The following SPOCK1 variants were observed in gnomAD, a reference collection of about 807,000 sequenced individuals.
SPOCK1 encodes the protein SPARC (osteonectin), cwcv and kazal like domains proteoglycan 1.
A neutral mutation model predicts 55.3 loss-of-function variants in SPOCK1; 23 were observed. That is an observed-to-expected ratio of 0.42 (90% CI 0.30 to 0.59). The LOEUF (loss-of-function observed/expected upper bound fraction) is 0.59. Ranked by LOEUF, SPOCK1 falls within the 20% of genes least tolerant of loss-of-function variation. The probability of loss-of-function intolerance (pLI) is 0.22; values close to 1 mark genes in which losing one functional copy is unlikely to be tolerated. For synonymous variants in SPOCK1, 226 were observed against 221.0 expected, an observed-to-expected ratio of 1.02 and a Z score of -0.20; for missense variants, 499 against 552.5, an observed-to-expected ratio of 0.90 and a Z score of 0.97.
chr5:137,231,547 G>A (rs995446504), intron 3 of SPOCK1, among the ~76,000 whole-genome samples: 1 of 152,184 alleles, frequency 6.6e-6, no homozygotes, highest in Non-Finnish European at 1.5e-5. Context: ...ATTCACCCAG[G>A]ATGTTGCATG....
intron 3 of SPOCK1, among the ~76,000 whole-genome samples, chr5:137,147,545 G>A (rs949851065): frequency 4.6e-5 from 7 of 152,164 alleles, no homozygotes; most frequent in African/African-American, 9.7e-5. Flanking sequence ...TTTTTGCTAC[G>A]TCCTTACATG....
At chr5:137,203,888 C>T (rs1427976840) in intron 3 of SPOCK1, among the ~76,000 whole-genome samples, 2 of 152,108 alleles carry the variant, frequency 1.3e-5, no homozygotes, top group Non-Finnish European at 1.5e-5. Flanking sequence ...ATGGAAAATC[C>T]CTCTTAAGTA....
At chr5:137,066,230 C>T (rs1752502716) in intron 6 of SPOCK1, among the ~76,000 whole-genome samples, 1 of 152,176 alleles carries the variant, frequency 6.6e-6, no homozygotes, top group African/African-American at 2.4e-5. Flanking sequence ...CCTCCACCTC[C>T]CGAGTTCAAG....
chr5:137,293,089 A>ATTTTTTTTTTTTTTTTTT (rs531537488), intron 2 of SPOCK1, among the ~76,000 whole-genome samples: 3 of 100,828 alleles, frequency 3.0e-5, no homozygotes, highest in African/African-American at 1.2e-4. Flanking sequence ...GGTTTGTTGA[A>ATTTTTTTTTTTTTTTTTT]TTTTTTTTTT....
At chr5:137,135,670 G>A (rs1753971039) in intron 4 of SPOCK1, among the ~76,000 whole-genome samples, 1 of 152,142 alleles carries the variant, frequency 6.6e-6, no homozygotes, top group Non-Finnish European at 1.5e-5. Flanking sequence ...CAAATAACCT[G>A]CTTTCTGTCA....
chr5:137,161,960 T>G (rs1354038165), intron 3 of SPOCK1, among the ~76,000 whole-genome samples: 1 of 152,160 alleles, frequency 6.6e-6, no homozygotes, highest in Non-Finnish European at 1.5e-5. Context: ...GTGCATAGAA[T>G]TATCTCAGTG....
intron 6 of SPOCK1, among the ~76,000 whole-genome samples, chr5:137,015,951 G>A (rs898937506): frequency 3.3e-5 from 5 of 152,198 alleles, no homozygotes; most frequent in African/African-American, 7.2e-5. Context: ...GTAGAGAAGT[G>A]TGGAGGAAAG....
At chr5:137,286,003 C>A (rs1331773530) in intron 2 of SPOCK1, among the ~76,000 whole-genome samples, 3 of 152,178 alleles carry the variant, frequency 2.0e-5, no homozygotes, top group Non-Finnish European at 4.4e-5. Context: ...ACTAGCTGGC[C>A]TCAGCTGGAG....
chr5:137,482,735 A>G (rs748317306), intron 2 of SPOCK1, among the ~76,000 whole-genome samples: 7 of 152,230 alleles, frequency 4.6e-5, no homozygotes, highest in Non-Finnish European at 8.8e-5. Context: ...GTTGGAAATA[A>G]CAGATACTAC....
intron 2 of SPOCK1, among the ~76,000 whole-genome samples, chr5:137,440,647 C>T (rs72798518): frequency 0.03 from 4,515 of 152,316 alleles, 106 homozygotes; most frequent in Non-Finnish European, 0.05. Context: ...GAGTCTAAAC[C>T]ACATTATGGT....
Position 137,320,013 on chromosome 5 carries a change from T to A in SPOCK1, c.187-52958A>T, listed in dbSNP as rs149181420. On this transcript the variant is annotated intron_variant, in intron 2 of 10. Coordinates refer to ENST00000394945, the MANE Select transcript of SPOCK1 (RefSeq NM_004598.4). Reference sequence around the variant, plus strand: ...AAAAGCCTTTATGAGAACTCCAGAATTCAGTTAGGAAGTCACAGTACCCCA... The same window carrying A: ...AAAAGCCTTTATGAGAACTCCAGAAATCAGTTAGGAAGTCACAGTACCCCA... Among the ~76,000 whole-genome samples, 568 of 148,544 alleles carry A rather than the reference T, an allele frequency of 3.8e-3. 11 individuals are homozygous for A. Among genetic ancestry groups the A allele is most frequent in the Middle Eastern group, 0.014 (4 of 280 alleles).
chr5:137,480,858 T>C (rs1753936900), intron 2 of SPOCK1, among the ~76,000 whole-genome samples: 1 of 152,044 alleles, frequency 6.6e-6, no homozygotes, highest in South Asian at 2.1e-4. Context: ...GAGAGACTCC[T>C]GAGCATACAA....
At chr5:137,228,212 C>T (rs1561477883) in intron 3 of SPOCK1, among the ~76,000 whole-genome samples, 1 of 152,210 alleles carries the variant, frequency 6.6e-6, no homozygotes. Context: ...AGGAGGCTGT[C>T]ATTGTACACA....
chr5:136,978,790 A>G lies in SPOCK1; in HGVS notation c.1184T>C (p.Leu395Pro). The stretch of plus-strand genomic sequence containing the variant: ...CTCCCGTTCATATTCTAGGTCATCC[A>G]GCAGGACCACGGACCCACCACTGCC... ...DFGSGGSVVL[L>P]DDLEYERELG... The change falls in exon 11 of 11, where the codon CTG becomes CCG. Residue 395 changes from leucine (L) to proline (P), a missense_variant. Around this residue, in one of 3 missense-constraint regions of SPOCK1, gnomAD observed 83 missense variants for 87.5 expected, o/e 0.95. Coordinates refer to ENST00000394945, the MANE Select transcript of SPOCK1 (RefSeq NM_004598.4). The G allele has an allele frequency of 1.2e-6, 2 of 1,614,026 alleles. No homozygotes were observed. Among genetic ancestry groups the G allele is most frequent in the Non-Finnish European group, 1.7e-6 (2 of 1,179,992 alleles).
intron 3 of SPOCK1, among the ~76,000 whole-genome samples, chr5:137,146,126 A>T (rs1467238751): frequency 6.6e-6 from 1 of 152,172 alleles, no homozygotes; most frequent in Non-Finnish European, 1.5e-5. Flanking sequence ...AGAAAGTGGC[A>T]CTTAGTAAGA....
chr5:137,334,252 G>C (rs1454193221), intron 2 of SPOCK1, among the ~76,000 whole-genome samples: 1 of 152,202 alleles, frequency 6.6e-6, no homozygotes, highest in Non-Finnish European at 1.5e-5. Flanking sequence ...TTTCTTTTCT[G>C]CTGAGATTAA....
chr5:137,427,079 G>A (rs541455500), intron 2 of SPOCK1, among the ~76,000 whole-genome samples: 5 of 152,270 alleles, frequency 3.3e-5, no homozygotes, highest in Admixed American at 6.5e-5. Flanking sequence ...CTTCCAGGTC[G>A]AACGGTTAAG....
intron 2 of SPOCK1, among the ~76,000 whole-genome samples, chr5:137,311,823 T>C (rs1319625000): frequency 6.6e-6 from 1 of 152,258 alleles, no homozygotes; most frequent in African/African-American, 2.4e-5. Flanking sequence ...GATAAGTCTG[T>C]ACCCAGTCTT....
intron 3 of SPOCK1, among the ~76,000 whole-genome samples, chr5:137,145,430 C>T (rs1158152014): frequency 1.3e-5 from 2 of 152,150 alleles, no homozygotes; most frequent in Non-Finnish European, 1.5e-5. Flanking sequence ...TCTTCTTGAG[C>T]ACATCCTATA....
Sources: allele counts gnomAD v4.1 joint callset (sites outside exome capture counted in the v4.1 genomes callset), GRCh38; gene constraint gnomAD v4.1.1; regional missense constraint gnomAD v4.1.1; transcripts MANE v1.5; gene names NCBI Gene and HGNC (gene_info 2026-07-23, HGNC 2026-07-21).